PDGFD: variants seen among roughly 807,000 people sequenced by gnomAD.
The protein encoded by PDGFD is platelet-derived growth factor D.
In PDGFD, 30 loss-of-function variants were observed where a neutral mutation model predicts 44.7. The observed-to-expected ratio is 0.67, with a 90% CI of 0.50 to 0.91. The LOEUF (loss-of-function observed/expected upper bound fraction) is 0.91. PDGFD is among the 40% of genes least tolerant of loss of function. The pLI is 0.00. For missense variants in PDGFD, 445 were observed against 457.8 expected (o/e 0.97, Z 0.25); for synonymous variants, 173 against 168.4 (o/e 1.03, Z -0.21).
chr11:104,159,834 A>G (rs375988855), intron 1 of PDGFD, among the ~76,000 whole-genome samples: 10 of 152,172 alleles, frequency 6.6e-5, no homozygotes, highest in African/African-American at 1.9e-4. Flanking sequence ...ACCTAGTAGC[A>G]TCCTCCACTA....
intron 1 of PDGFD, among the ~76,000 whole-genome samples, chr11:104,074,639 C>T (rs1860928172): frequency 6.6e-6 from 1 of 152,140 alleles, no homozygotes; most frequent in Non-Finnish European, 1.5e-5. Context: ...GTATTCATAG[C>T]AGCCAATATG....
intron 1 of PDGFD, among the ~76,000 whole-genome samples, chr11:104,130,677 C>A (rs1186940916): frequency 6.6e-6 from 1 of 152,106 alleles, no homozygotes; most frequent in Non-Finnish European, 1.5e-5. Flanking sequence ...TTCTTGAATA[C>A]CCTTCTTAGA....
At chr11:103,925,716 C>CACATAT (rs1198529368) in intron 6 of PDGFD, among the ~76,000 whole-genome samples, 39 of 122,768 alleles carry the variant, frequency 3.2e-4, no homozygotes, top group Admixed American at 8.9e-4. Context: ...CACACACACA[C>CACATAT]ATATATATAT....
intron 3 of PDGFD, among the ~76,000 whole-genome samples, chr11:103,950,952 A>G (rs1858747404): frequency 6.6e-6 from 1 of 152,188 alleles, no homozygotes; most frequent in Admixed American, 6.5e-5. Context: ...ATATTTTGCT[A>G]AGATTTTTTT....
intron 1 of PDGFD, among the ~76,000 whole-genome samples, chr11:104,026,006 A>G (rs892328161): frequency 2.0e-5 from 3 of 152,212 alleles, no homozygotes; most frequent in South Asian, 2.1e-4. Flanking sequence ...GTACTGGGAC[A>G]GGAAGGGTGG....
rs1053056792 is a variant in PDGFD at position 104,090,601 on chromosome 11, C to T, written c.124+73203G>A. On this transcript the variant is annotated intron_variant, in intron 1 of 6. Transcript: ENST00000393158. ...CCGACATCACACCACTGCATTCCAG[C>T]CTGAGTGACAGAGTGAGACCCTGTC... is the stretch of plus-strand genomic sequence containing the variant. Among the ~76,000 whole-genome samples the T allele has an allele frequency of 2.8e-5, 4 of 144,688 alleles. No homozygotes were observed. In the East Asian group the frequency reaches 8.3e-4, roughly 30 times the overall value. The allele number at this position is 144,688 out of a possible 152,430, so 94.9% of individuals were successfully genotyped here.
At chr11:103,912,723 T>A (rs778021094) in intron 6 of PDGFD, among the ~76,000 whole-genome samples, 4 of 152,026 alleles carry the variant, frequency 2.6e-5, no homozygotes, top group Non-Finnish European at 5.9e-5. Flanking sequence ...GTGTGCTGTA[T>A]TCAGGAGGCC....
intron 3 of PDGFD, among the ~76,000 whole-genome samples, chr11:103,963,253 T>C (rs1358316364): frequency 6.6e-6 from 1 of 152,222 alleles, no homozygotes; most frequent in African/African-American, 2.4e-5. Flanking sequence ...GAATGTGCAC[T>C]AAGATTTTGA....
intron 1 of PDGFD, among the ~76,000 whole-genome samples, chr11:104,141,313 G>A (rs1340701880): frequency 5.9e-5 from 9 of 152,134 alleles, no homozygotes; most frequent in Non-Finnish European, 5.9e-5. Context: ...ACATATCTTA[G>A]ATGGCAAAAG....
At chr11:103,942,909 T>C (rs1197378073) in intron 5 of PDGFD, among the ~76,000 whole-genome samples, 3 of 152,190 alleles carry the variant, frequency 2.0e-5, no homozygotes, top group Non-Finnish European at 2.9e-5. Flanking sequence ...AAATTGGGGC[T>C]AATAATGCCT....
chr11:103,970,371 G>A (rs542210607), intron 3 of PDGFD, among the ~76,000 whole-genome samples: 366 of 152,106 alleles, frequency 2.4e-3, no homozygotes, highest in South Asian at 3.7e-3. Context: ...AATTTCGAAC[G>A]AGAAAGTTCT....
chr11:104,052,115 A>G (rs1283814519), intron 1 of PDGFD, among the ~76,000 whole-genome samples: 1 of 152,198 alleles, frequency 6.6e-6, no homozygotes, highest in Non-Finnish European at 1.5e-5. Flanking sequence ...GCCATACAAC[A>G]CATGACCTTC....
chr11:103,979,511 T>A (rs545502005), intron 3 of PDGFD, among the ~76,000 whole-genome samples: 3 of 152,240 alleles, frequency 2.0e-5, no homozygotes, highest in East Asian at 3.9e-4. Flanking sequence ...TTTATTTGTA[T>A]CCCTAGGTCT....
chr11:104,044,962 C>T (rs1480127461), intron 1 of PDGFD, among the ~76,000 whole-genome samples: 1 of 151,996 alleles, frequency 6.6e-6, no homozygotes, highest in Non-Finnish European at 1.5e-5. Flanking sequence ...GGCTCGAACC[C>T]GGGGGGCGGA....
At chr11:103,994,196 TG>T (rs1565305421) in intron 3 of PDGFD, among the ~76,000 whole-genome samples, 1 of 152,228 alleles carries the variant, frequency 6.6e-6, no homozygotes, top group East Asian at 1.9e-4. Flanking sequence ...AACTGACTTA[TG>T]GAACATTCAG....
At position 104,007,937 on chromosome 11, in the gene PDGFD, T is replaced by A. The variant is rs1859729292; in HGVS notation, c.125-7682A>T. On this transcript the variant is annotated intron_variant, in intron 1 of 6. Transcript: ENST00000393158. ...ACAAAATAGGAAGCAAATATTATACTTTCATTCTGTTTTTTATAATAATTG... is the reference window on the plus strand; with the variant it reads ...ACAAAATAGGAAGCAAATATTATACATTCATTCTGTTTTTTATAATAATTG... Among the ~76,000 whole-genome samples the A allele has an allele frequency of 1.3e-5, 2 of 152,220 alleles. 1 individual carries two copies. The highest frequency in any genetic ancestry group is 4.1e-4 in the South Asian group (2 of 4,832).
intron 4 of PDGFD, among the ~76,000 whole-genome samples, chr11:103,944,757 G>A (rs1858644465): frequency 6.6e-6 from 1 of 152,122 alleles, no homozygotes; most frequent in African/African-American, 2.4e-5. Flanking sequence ...TCCAAAGGTT[G>A]CTAAGTGATT....
intron 1 of PDGFD, among the ~76,000 whole-genome samples, chr11:104,068,188 A>G (rs1361906668): frequency 6.6e-6 from 1 of 152,134 alleles, no homozygotes; most frequent in Non-Finnish European, 1.5e-5. Context: ...CCCACACCTT[A>G]TATGGTGGAA....
intron 1 of PDGFD, among the ~76,000 whole-genome samples, chr11:104,001,785 C>T (rs7927365): frequency 0.075 from 11,449 of 152,240 alleles, 498 homozygotes; most frequent in Non-Finnish European, 0.1. Flanking sequence ...TGAGCCTGGT[C>T]AGGGAAGCTA....
Sources: gnomAD v4.1 joint callset for allele counts (sites outside exome capture counted in the v4.1 genomes callset) on GRCh38, gnomAD v4.1.1 for gene constraint, MANE v1.5 for transcripts, NCBI Gene and HGNC (gene_info 2026-07-23, HGNC 2026-07-21) for gene names.